CNTN5: variants seen among roughly 807,000 people sequenced by gnomAD.
CNTN5 encodes contactin 5.
CNTN5 carries 77 observed loss-of-function variants against 129.1 expected under a neutral mutation model. That is an observed-to-expected ratio of 0.60 (90% CI 0.50 to 0.72). The LOEUF (loss-of-function observed/expected upper bound fraction) is 0.72, where lower values mean the gene tolerates loss of function less well. CNTN5 is among the 30% of genes least tolerant of loss of function. The probability of loss-of-function intolerance (pLI) is 0.00; values close to 1 mark genes in which losing one functional copy is unlikely to be tolerated. For missense variants in CNTN5, 1,478 were observed against 1,328.8 expected (o/e 1.11, Z -1.75); for synonymous variants, 509 against 465.6 (o/e 1.09, Z -1.20).
intron 1 of CNTN5, among the ~76,000 whole-genome samples, chr11:99,323,422 C>T (rs1220077321): frequency 6.6e-6 from 1 of 152,024 alleles, no homozygotes; most frequent in Non-Finnish European, 1.5e-5. Context: ...CAACCATCAC[C>T]ACAACAATAC....
At chr11:100,218,835 G>A (rs143618280) in intron 15 of CNTN5, among the ~76,000 whole-genome samples, 272 of 152,246 alleles carry the variant, frequency 1.8e-3, no homozygotes, top group African/African-American at 6.2e-3. Flanking sequence ...GATTAAGAAC[G>A]TGGACCATCT....
chr11:99,875,310 G>T lies in CNTN5; in HGVS notation c.577+30048G>T, dbSNP rs576647929. Among the ~76,000 whole-genome samples the T allele has an allele frequency of 2.0e-5, 3 of 150,782 alleles. No individual in the cohort carries two copies. The South Asian group carries it at 6.3e-4, about 32-fold the overall frequency. ...TTACTGAGAATTTTTCTTTTCATAC[G>T]TTGGTATGATTTTTATTTAGTTCAT... On this transcript the variant is annotated intron_variant, in intron 6 of 24. Transcript: ENST00000524871.
At chr11:100,104,475 T>A (rs867878364) in intron 13 of CNTN5, among the ~76,000 whole-genome samples, 2 of 152,120 alleles carry the variant, frequency 1.3e-5, no homozygotes, top group Admixed American at 6.6e-5. Context: ...TCACATATAA[T>A]AACTATCTTT....
At chr11:100,109,828 T>C (rs1033342574) in intron 13 of CNTN5, among the ~76,000 whole-genome samples, 6 of 152,214 alleles carry the variant, frequency 3.9e-5, no homozygotes, top group African/African-American at 1.2e-4. Flanking sequence ...CATTTCTTAT[T>C]TCTCCTTGGC....
At chr11:99,711,883 G>A in intron 3 of CNTN5, among the ~76,000 whole-genome samples, 1 of 152,004 alleles carries the variant, frequency 6.6e-6, no homozygotes, top group Non-Finnish European at 1.5e-5. Context: ...GTCTATCATT[G>A]ATGGGTATTT....
intron 2 of CNTN5, among the ~76,000 whole-genome samples, chr11:99,405,241 A>G (rs1188413033): frequency 6.6e-6 from 1 of 152,034 alleles, no homozygotes; most frequent in Non-Finnish European, 1.5e-5. Flanking sequence ...ATAACCTTGC[A>G]CTTGACTATT....
chr11:99,683,230 A>G (rs897514847), intron 3 of CNTN5, among the ~76,000 whole-genome samples: 1 of 151,834 alleles, frequency 6.6e-6, no homozygotes, highest in African/African-American at 2.4e-5. Flanking sequence ...ACCGCAGCTC[A>G]TAAAGATATT....
intron 18 of CNTN5, among the ~76,000 whole-genome samples, chr11:100,271,510 A>C (rs540492217): frequency 2.0e-5 from 3 of 152,198 alleles, no homozygotes. Context: ...CATGAAATTA[A>C]AGCAGTTCAT....
At chr11:99,049,525 C>A (rs189030519) in intron 1 of CNTN5, 4 of 152,152 alleles carry the variant, frequency 2.6e-5, no homozygotes, top group African/African-American at 4.8e-5. Flanking sequence ...TTAAAAAATT[C>A]TCCAGATAAA....
intron 2 of CNTN5, among the ~76,000 whole-genome samples, chr11:99,358,385 C>T (rs943522240): frequency 8.0e-6 from 1 of 124,388 alleles, no homozygotes; most frequent in Non-Finnish European, 1.7e-5. Context: ...GGCGCGGTGG[C>T]CGAAACCCTG....
At chr11:99,036,024 T>C (rs901761492) in intron 1 of CNTN5, among the ~76,000 whole-genome samples, 5 of 152,100 alleles carry the variant, frequency 3.3e-5, no homozygotes, top group Non-Finnish European at 7.4e-5. Context: ...TCTCCTTCAC[T>C]TATGAAGCTT....
chr11:99,114,207 C>T (rs1471286107), intron 1 of CNTN5, among the ~76,000 whole-genome samples: 2 of 116,256 alleles, frequency 1.7e-5, no homozygotes, highest in African/African-American at 3.4e-5. Context: ...TCTAGCTCTG[C>T]AGTACTGATT....
intron 16 of CNTN5, among the ~76,000 whole-genome samples, chr11:100,233,110 CATTTTAA>C (rs1320925037): frequency 6.6e-6 from 1 of 152,132 alleles, no homozygotes; most frequent in African/African-American, 2.4e-5. Flanking sequence ...GGCAGACCAG[CATTTTAA>C]ATTACTATAC....
At chr11:100,106,119 G>C (rs187175909) in intron 13 of CNTN5, among the ~76,000 whole-genome samples, 2 of 152,262 alleles carry the variant, frequency 1.3e-5, no homozygotes, top group Admixed American at 1.3e-4. Flanking sequence ...GGGCGATTCA[G>C]GGACTGCAGA....
rs1428608636 is a variant in CNTN5, at chr11:99,131,903, G to A, written c.-210+110633G>A. Among the ~76,000 whole-genome samples, 6 of 152,178 alleles carry A rather than the reference G, an allele frequency of 3.9e-5. No homozygotes were observed. The East Asian group carries it at 1.2e-3, about 29-fold the overall frequency. The stretch of plus-strand genomic sequence containing the variant: ...GACTACTCCCTAACTCATTTTATGA[G>A]GCCAGCATCATCTTGACATCAAAAC... On this transcript the variant is annotated intron_variant, in intron 1 of 24. Coordinates refer to ENST00000524871, the MANE Select transcript of CNTN5 (RefSeq NM_014361.4).
intron 1 of CNTN5, among the ~76,000 whole-genome samples, chr11:99,099,094 G>A (rs990229750): frequency 5.9e-5 from 9 of 152,088 alleles, no homozygotes; most frequent in African/African-American, 1.9e-4. Flanking sequence ...AACTTAAGTA[G>A]AGAATAGGAA....
At chr11:99,658,962 A>G (rs1952494464) in intron 3 of CNTN5, among the ~76,000 whole-genome samples, 2 of 151,462 alleles carry the variant, frequency 1.3e-5, no homozygotes, top group Non-Finnish European at 1.5e-5. Flanking sequence ...TTCCTTTAGG[A>G]TCAATCTCCT....
At chr11:99,442,265 G>T (rs1201157751) in intron 2 of CNTN5, among the ~76,000 whole-genome samples, 1 of 152,082 alleles carries the variant, frequency 6.6e-6, no homozygotes, top group Non-Finnish European at 1.5e-5. Context: ...CACCTCCCGG[G>T]TTCTAGCGAT....
chr11:99,937,784 CTCCAGTGGAAAACCGAGAG>C (rs1169416259), intron 7 of CNTN5, among the ~76,000 whole-genome samples: 2 of 152,172 alleles, frequency 1.3e-5, no homozygotes, highest in Non-Finnish European at 2.9e-5. Flanking sequence ...AGCATTGCTT[CTCCAGTGGAAAACCGAGAG>C]TCCTAAATGT....
Sources: allele counts gnomAD v4.1 joint callset (sites outside exome capture counted in the v4.1 genomes callset), GRCh38; gene constraint gnomAD v4.1.1; transcripts MANE v1.5; gene names NCBI Gene and HGNC (gene_info 2026-07-23, HGNC 2026-07-21).